The following REDIC1 variants were observed in gnomAD, a reference collection of about 807,000 sequenced individuals.
REDIC1 encodes the protein regulator of DNA class I crossover intermediates 1.
At chr12:39,872,057 T>C in the REDIC1 span, 1 of 1,021,240 alleles carries the variant, frequency 9.8e-7, no homozygotes, top group Non-Finnish European at 1.3e-6. Context: ...GAAAAAAATA[T>C]AAGGAGAACT....
At chr12:39,650,236 C>T in the REDIC1 span, 7 of 1,523,268 alleles carry the variant, frequency 4.6e-6, no homozygotes, top group East Asian at 4.7e-5. This position sits in a 1 kb window ranked among gnomAD's most constrained non-coding sequence, Gnocchi z 4.3. Flanking sequence ...TTTTTTTTTT[C>T]AGCGCAGTAC....
the REDIC1 span, among the ~76,000 whole-genome samples, chr12:39,726,560 T>A: frequency 3.0e-4 from 45 of 152,314 alleles, no homozygotes; most frequent in African/African-American, 9.1e-4. Flanking sequence ...ATCCAGTCTA[T>A]CATTGATGGG....
At chr12:39,740,738 A>T in the REDIC1 span, among the ~76,000 whole-genome samples, 2 of 152,268 alleles carry the variant, frequency 1.3e-5, no homozygotes, top group Admixed American at 1.3e-4. Context: ...CAGAAAATAT[A>T]ATTTCCTTTG....
At chr12:39,768,097 C>A in the REDIC1 span, among the ~76,000 whole-genome samples, 3 of 152,114 alleles carry the variant, frequency 2.0e-5, no homozygotes, top group African/African-American at 7.2e-5. Context: ...TGCTGCCTCA[C>A]CTTGCAACAA....
the REDIC1 span, among the ~76,000 whole-genome samples, chr12:39,690,574 A>G: frequency 2.0e-5 from 3 of 152,210 alleles, no homozygotes; most frequent in African/African-American, 7.2e-5. Flanking sequence ...ATGAATTAAT[A>G]TATTGAATAT....
chr12:39,770,455 G>T, the REDIC1 span, among the ~76,000 whole-genome samples: 1 of 152,052 alleles, frequency 6.6e-6, no homozygotes, highest in Non-Finnish European at 1.5e-5. Flanking sequence ...TATATAATGA[G>T]CACTTTTTAT....
the REDIC1 span, chr12:39,682,958 G>A: frequency 2.6e-3 from 4,272 of 1,613,374 alleles, 75 homozygotes; most frequent in African/African-American, 0.046. Context: ...ACTGACAGAT[G>A]CATTAGAAAC....
the REDIC1 span, among the ~76,000 whole-genome samples, chr12:39,874,328 G>A: frequency 1.7e-3 from 252 of 152,100 alleles, no homozygotes; most frequent in Non-Finnish European, 2.3e-3. Flanking sequence ...GCATACAAAT[G>A]AGGGGCCGGG....
At chr12:39,887,331 T>C in the REDIC1 span, among the ~76,000 whole-genome samples, 1 of 152,150 alleles carries the variant, frequency 6.6e-6, no homozygotes, top group Non-Finnish European at 1.5e-5. Context: ...TTACAAGTTA[T>C]ATCCCAAAAG....
chr12:39,696,363 G>T, the REDIC1 span, among the ~76,000 whole-genome samples: 15 of 150,996 alleles, frequency 9.9e-5, no homozygotes, highest in Non-Finnish European at 1.9e-4. Context: ...CTAAAACGGT[G>T]AAACCCCGTC....
chr12:39,686,057 G>A, the REDIC1 span, among the ~76,000 whole-genome samples: 5 of 152,224 alleles, frequency 3.3e-5, no homozygotes, highest in African/African-American at 1.2e-4. Flanking sequence ...TTCAGCCCCT[G>A]TGGCTGCTTT....
At chr12:39,905,228 TG>T in the REDIC1 span, among the ~76,000 whole-genome samples, 1 of 152,150 alleles carries the variant, frequency 6.6e-6, no homozygotes, top group South Asian at 2.1e-4. Context: ...ATGAGCATTT[TG>T]GTGGCTAGAA....
At chr12:39,722,336 T>TTCC in the REDIC1 span, among the ~76,000 whole-genome samples, 1 of 152,124 alleles carries the variant, frequency 6.6e-6, no homozygotes, top group Non-Finnish European at 1.5e-5. Flanking sequence ...AAGTATTTTC[T>TTCC]TCCAGTTTAA....
At chr12:39,751,923 G>T in the REDIC1 span, among the ~76,000 whole-genome samples, 3 of 152,074 alleles carry the variant, frequency 2.0e-5, no homozygotes, top group Admixed American at 6.6e-5. Flanking sequence ...GAAGGGGGAG[G>T]GAAAGCATTA....
At chr12:39,712,223 T>C in the REDIC1 span, among the ~76,000 whole-genome samples, 1 of 142,590 alleles carries the variant, frequency 7.0e-6, no homozygotes, top group African/African-American at 2.5e-5. Context: ...TATATACATG[T>C]ATATATACCT....
chr12:39,721,047 C>A, the REDIC1 span: 2 of 1,613,730 alleles, frequency 1.2e-6, no homozygotes, highest in Non-Finnish European at 1.7e-6. Flanking sequence ...ATGATAACTG[C>A]GTTCTGCAGG....
chr12:39,834,221 C>A, the REDIC1 span, among the ~76,000 whole-genome samples: 1 of 152,196 alleles, frequency 6.6e-6, no homozygotes, highest in East Asian at 1.9e-4. Context: ...CCCATTATGA[C>A]TCTTGAGATA....
the REDIC1 span, among the ~76,000 whole-genome samples, chr12:39,659,598 A>G: frequency 2.6e-5 from 4 of 151,722 alleles, no homozygotes; most frequent in Admixed American, 1.3e-4. Flanking sequence ...TAGAACTTTG[A>G]TTTACCTTTT....
the REDIC1 span, among the ~76,000 whole-genome samples, chr12:39,699,849 G>A: frequency 6.6e-6 from 1 of 152,074 alleles, no homozygotes; most frequent in Non-Finnish European, 1.5e-5. Context: ...ACCTCACACA[G>A]CCGGGTATGC....
Sources: gnomAD v4.1 joint callset for allele counts (sites outside exome capture counted in the v4.1 genomes callset) on GRCh38, gnomAD v4.1.1 for gene constraint, Gnocchi (gnomAD v3.1) non-coding constraint, MANE v1.5 for transcripts, NCBI Gene and HGNC (gene_info 2026-07-23, HGNC 2026-07-21) for gene names.